The following NRG1 variants were observed in gnomAD, a reference collection of about 807,000 sequenced individuals.
NRG1 encodes neuregulin 1, also known as pro-neuregulin-1, membrane-bound isoform.
Under a neutral mutation model 63.8 loss-of-function variants are expected in NRG1, and 18 were observed. The observed-to-expected ratio is 0.28, with a 90% CI of 0.19 to 0.42. The LOEUF (loss-of-function observed/expected upper bound fraction) is 0.42, where lower values mean the gene tolerates loss of function less well. Among genes scored for constraint, NRG1 ranks in the 10% least tolerant of loss-of-function variants. The pLI, the probability that NRG1 is intolerant of heterozygous loss-of-function variation, is 1.00. For missense variants in NRG1, 762 were observed against 814.7 expected, an observed-to-expected ratio of 0.94 and a Z score of 0.79; for synonymous variants, 302 against 301.3, an observed-to-expected ratio of 1.00 and a Z score of -0.02.
chr8:32,521,099 T>C (rs1159972852), intron 1 of NRG1, among the ~76,000 whole-genome samples: 1 of 152,224 alleles, frequency 6.6e-6, no homozygotes, highest in Non-Finnish European at 1.5e-5. Context: ...CTAAACTTGA[T>C]CATAGGTATG....
rs920095191 is a variant in NRG1 at position 32,254,458 on chromosome 8, G to C, written c.38-341370G>C. Among the ~76,000 whole-genome samples the C allele has an allele frequency of 7.2e-5, 11 of 152,298 alleles. 2 individuals are homozygous for C. Among genetic ancestry groups the C allele is most frequent in the Non-Finnish European group, 1.5e-5 (1 of 68,032 alleles). ...TTTACCCAGTAGTCATTCAGGAGCA[G>C]GTTGTTCAGGTTCCATGTAGTTGTG... On this transcript the variant is annotated intron_variant, in intron 1 of 10. Coordinates refer to the NRG1 transcript ENST00000519301.
chr8:31,740,991 G>T (rs1463813349), intron 1 of NRG1, among the ~76,000 whole-genome samples: 1 of 151,988 alleles, frequency 6.6e-6, no homozygotes, highest in East Asian at 1.9e-4. Flanking sequence ...ACAGTAGACT[G>T]GATAAAGAAA....
chr8:31,947,678 TC>T (rs1211889890), intron 1 of NRG1, among the ~76,000 whole-genome samples: 96 of 152,168 alleles, frequency 6.3e-4, no homozygotes, highest in African/African-American at 2.3e-3. Context: ...GCATGGTGGC[TC>T]ATGCCTGTAA....
rs376691293 is a variant in NRG1, at chr8:32,548,866, C to T, written c.100+40C>T. 3.7e-5 allele frequency: 56 copies of T among 1,523,260 alleles called. 1 individual carries two copies. In the African/African-American group the frequency reaches 6.4e-4, roughly 17 times the overall value. The allele number at this position is 1,523,260 out of a possible 1,614,324, so 94.4% of individuals were successfully genotyped here. On this transcript the variant is annotated intron_variant, in intron 1 of 11. Transcript: ENST00000356819. The stretch of plus-strand genomic sequence containing the variant: ...CGGCCCGGGCCCCACGATCCTCCTC[C>T]TGCTCCTCCTACTCCTCCTCCTCCT...
intron 1 of NRG1, among the ~76,000 whole-genome samples, chr8:31,930,893 G>A (rs1834803789): frequency 6.6e-6 from 1 of 152,146 alleles, no homozygotes; most frequent in Admixed American, 6.5e-5. Flanking sequence ...TGCCGTATCT[G>A]AATATTAGAT....
intron 7 of NRG1, among the ~76,000 whole-genome samples, chr8:32,747,848 C>T (rs567011761): frequency 1.7e-4 from 25 of 151,362 alleles, no homozygotes; most frequent in African/African-American, 6.1e-4. Context: ...GTTTTTCTGG[C>T]TAGTTAACGA....
intron 1 of NRG1, among the ~76,000 whole-genome samples, chr8:32,379,799 C>G (rs1156758081): frequency 1.3e-5 from 2 of 152,212 alleles, no homozygotes; most frequent in Non-Finnish European, 2.9e-5. Context: ...CGATCAACTC[C>G]ACCTATAGGT....
At chr8:31,814,474 A>T (rs1226627376) in intron 1 of NRG1, among the ~76,000 whole-genome samples, 1 of 152,130 alleles carries the variant, frequency 6.6e-6, no homozygotes, top group Non-Finnish European at 1.5e-5. Context: ...AATGCATGTA[A>T]AAGCATTTAG....
intron 1 of NRG1, among the ~76,000 whole-genome samples, chr8:32,354,052 A>T (rs1051851577): frequency 6.6e-6 from 1 of 152,172 alleles, no homozygotes; most frequent in Non-Finnish European, 1.5e-5. Flanking sequence ...TAATTACACT[A>T]AGTGATAGAT....
At chr8:31,782,764 C>G (rs575905002) in intron 1 of NRG1, among the ~76,000 whole-genome samples, 64 of 152,096 alleles carry the variant, frequency 4.2e-4, no homozygotes, top group Non-Finnish European at 8.8e-4. Flanking sequence ...GACAGAGGAT[C>G]TCGTTAAAAT....
At chr8:31,785,754 T>C (rs1820112432) in intron 1 of NRG1, among the ~76,000 whole-genome samples, 1 of 152,294 alleles carries the variant, frequency 6.6e-6, no homozygotes, top group Admixed American at 6.5e-5. Flanking sequence ...TGGAAGAAAA[T>C]TCAGTTGTGT....
At chr8:31,825,129 G>A (rs964897694) in intron 1 of NRG1, among the ~76,000 whole-genome samples, 4 of 152,100 alleles carry the variant, frequency 2.6e-5, no homozygotes, top group East Asian at 1.9e-4. Context: ...TGGTGGCTCC[G>A]CCTGTAATCC....
chr8:32,453,876 C>T (rs1821285200), intron 1 of NRG1, among the ~76,000 whole-genome samples: 2 of 152,208 alleles, frequency 1.3e-5, no homozygotes, highest in South Asian at 4.1e-4. Context: ...CATCCCTGCA[C>T]ATCAGACTGT....
At chr8:32,083,613 T>G (rs1246744241) in intron 1 of NRG1, among the ~76,000 whole-genome samples, 1 of 152,190 alleles carries the variant, frequency 6.6e-6, no homozygotes, top group Non-Finnish European at 1.5e-5. Context: ...TTATGCTTAC[T>G]AATCCCTTCA....
intron 1 of NRG1, among the ~76,000 whole-genome samples, chr8:31,759,915 G>A (rs866002939): frequency 5.0e-4 from 76 of 152,190 alleles, no homozygotes; most frequent in African/African-American, 1.7e-3. Flanking sequence ...AGTGAAGATA[G>A]CCTAAGTCTT....
exon 12 of NRG1, chr8:32,763,899 G>C: frequency 6.2e-7 from 1 of 1,614,086 alleles, no homozygotes; most frequent in Non-Finnish European, 8.5e-7. Context: ...CTTCATGGAA[G>C]AAGAGAGACC....
At chr8:31,843,330 G>C (rs1006217595) in intron 1 of NRG1, among the ~76,000 whole-genome samples, 1 of 152,142 alleles carries the variant, frequency 6.6e-6, no homozygotes, top group Non-Finnish European at 1.5e-5. Context: ...GCAGGGGGTG[G>C]TTTGCTCTTT....
chr8:32,352,760 A>G (rs1805775097), intron 1 of NRG1, among the ~76,000 whole-genome samples: 1 of 152,034 alleles, frequency 6.6e-6, no homozygotes, highest in Non-Finnish European at 1.5e-5. Flanking sequence ...ATGCACCTGT[A>G]GTCCCAGCTA....
chr8:32,693,419 T>C (rs974867265), intron 5 of NRG1, among the ~76,000 whole-genome samples: 1 of 151,972 alleles, frequency 6.6e-6, no homozygotes, highest in African/African-American at 2.4e-5. Flanking sequence ...AGGTTTCACA[T>C]GTTAGCCAGG....
Sources: gnomAD v4.1 joint callset for allele counts (sites outside exome capture counted in the v4.1 genomes callset) on GRCh38, gnomAD v4.1.1 for gene constraint, MANE v1.5 for transcripts, NCBI Gene and HGNC (gene_info 2026-07-23, HGNC 2026-07-21) for gene names.